Variants in EFNB2 observed in about 807,000 individuals in gnomAD.
The protein encoded by EFNB2 is ephrin B2, also known as ephrin-B2.
In EFNB2, 5 loss-of-function variants were observed where a neutral mutation model predicts 32.1. The observed-to-expected ratio is 0.16, with a 90% CI of 0.08 to 0.33. The LOEUF (loss-of-function observed/expected upper bound fraction) is 0.33. Ranked by LOEUF, EFNB2 falls within the 10% of genes least tolerant of loss-of-function variation. EFNB2 has a pLI of 1.00. For synonymous variants in EFNB2, 168 were observed against 166.5 expected (o/e 1.01, Z -0.07); for missense variants, 263 against 422.6 (o/e 0.62, Z 3.31).
At chr13:106,505,910 C>T (rs1878933666) in intron 2 of EFNB2, 1 of 152,218 alleles carries the variant, frequency 6.6e-6, no homozygotes, top group Non-Finnish European at 1.5e-5. Context: ...AACAGAGTCT[C>T]CGTCCACAGC....
At chr13:106,527,216 G>C (rs988570185) in intron 1 of EFNB2, among the ~76,000 whole-genome samples, 2 of 151,518 alleles carry the variant, frequency 1.3e-5, no homozygotes, top group Non-Finnish European at 2.9e-5. Context: ...AATTAAAATT[G>C]GATGCAACAG....
intron 2 of EFNB2, among the ~76,000 whole-genome samples, chr13:106,511,276 A>G (rs930572694): frequency 2.0e-5 from 3 of 151,970 alleles, no homozygotes; most frequent in Non-Finnish European, 4.4e-5. Flanking sequence ...AAGCTACTCT[A>G]TGTATCAAGT....
At chr13:106,533,029 C>A (rs1879932548) in intron 1 of EFNB2, among the ~76,000 whole-genome samples, 1 of 152,056 alleles carries the variant, frequency 6.6e-6, no homozygotes, top group South Asian at 2.1e-4. Context: ...GATACACACA[C>A]CGAACTAAAC....
At chr13:106,510,590 G>GCCAAGGCGGAAGGA (rs1566458815) in intron 2 of EFNB2, among the ~76,000 whole-genome samples, 10 of 152,066 alleles carry the variant, frequency 6.6e-5, no homozygotes, top group African/African-American at 2.4e-4. Context: ...CCCTCTTCCC[G>GCCAAGGCGGAAGGA]TACCACGACC....
intron 1 of EFNB2, among the ~76,000 whole-genome samples, chr13:106,526,197 C>T (rs1009766624): frequency 2.6e-5 from 4 of 152,142 alleles, no homozygotes; most frequent in East Asian, 3.9e-4. Context: ...GCAGTCCCAT[C>T]GTCTCAGGTC....
Position 106,503,255 on chromosome 13 carries a change from A to G in EFNB2, c.407-7415T>C, listed in dbSNP as rs151176937. Among the ~76,000 whole-genome samples, 1,052 of 152,260 alleles carry G rather than the reference A, an allele frequency of 6.9e-3. 6 individuals carry two copies. Among genetic ancestry groups the G allele is most frequent in the Non-Finnish European group, 0.01 (688 of 68,018 alleles). ...TCAGTTAAGAAAAAAAATTTAACAT[A>G]ATTTCAAAATAAAAAACAAAACAAA... On this transcript the variant is annotated intron_variant, in intron 2 of 4. Transcript: ENST00000646441.
At chr13:106,508,059 T>C (rs1232023934) in intron 2 of EFNB2, among the ~76,000 whole-genome samples, 1 of 152,200 alleles carries the variant, frequency 6.6e-6, no homozygotes, top group African/African-American at 2.4e-5. Context: ...CTTTGTGGGT[T>C]ATTTTGCAAG....
At chr13:106,504,415 C>T (rs1005181279) in intron 2 of EFNB2, among the ~76,000 whole-genome samples, 1 of 152,086 alleles carries the variant, frequency 6.6e-6, no homozygotes, top group African/African-American at 2.4e-5. Flanking sequence ...TGGACACACA[C>T]AGCTTAGATG....
At chr13:106,502,070 C>T (rs933009833) in intron 2 of EFNB2, among the ~76,000 whole-genome samples, 6 of 152,062 alleles carry the variant, frequency 3.9e-5, no homozygotes, top group African/African-American at 1.4e-4. Flanking sequence ...GTTTTTCACC[C>T]GTGAAAATAT....
intron 2 of EFNB2, among the ~76,000 whole-genome samples, chr13:106,509,637 G>C (rs1433862510): frequency 1.4e-5 from 2 of 138,968 alleles, no homozygotes; most frequent in African/African-American, 3.0e-5. Context: ...CTGTGTGTGT[G>C]TGTGTGTGTG....
chr13:106,503,729 C>T (rs1350659829), intron 2 of EFNB2, among the ~76,000 whole-genome samples: 1 of 151,918 alleles, frequency 6.6e-6, no homozygotes, highest in African/African-American at 2.4e-5. Context: ...TCTCTCTTTC[C>T]TTGTATATAA....
intron 2 of EFNB2, among the ~76,000 whole-genome samples, chr13:106,511,873 T>TCA (rs1266936909): frequency 6.6e-6 from 1 of 152,140 alleles, no homozygotes; most frequent in Admixed American, 6.5e-5. Flanking sequence ...CAGCCTCAGA[T>TCA]ATGACCCAAG....
chr13:106,495,225 T>G (rs918590092), intron 3 of EFNB2, among the ~76,000 whole-genome samples: 1 of 152,218 alleles, frequency 6.6e-6, no homozygotes, highest in Non-Finnish European at 1.5e-5. Context: ...ATTCTTGCAT[T>G]TGGCAGGCAA....
chr13:106,498,621 T>G (rs1260755288), intron 2 of EFNB2, among the ~76,000 whole-genome samples: 2 of 152,196 alleles, frequency 1.3e-5, no homozygotes, highest in Non-Finnish European at 2.9e-5. Context: ...AGAATGAAAC[T>G]GCTTTGCACC....
rs1878372434 is a variant in EFNB2 at position 106,490,709 on chromosome 13, G to A, written c.*2331C>T. On this transcript the variant is annotated 3_prime_UTR_variant, in exon 5 of 5. Transcript: ENST00000646441. ...AAGAATTACATATGTACTGTGGCTGGTTACCATGGCAACCCTCCACAGAAA... is the reference window on the plus strand; with the variant it reads ...AAGAATTACATATGTACTGTGGCTGATTACCATGGCAACCCTCCACAGAAA... 6.6e-6 allele frequency: 1 copy of A among 151,780 alleles called. No individual in the cohort carries two copies. The highest frequency in any genetic ancestry group is 6.6e-5 in the Admixed American group (1 of 15,210). 9.4% of individuals were successfully genotyped at this position (151,780 alleles called of 1,614,324 possible).
chr13:106,534,943 C>G lies in EFNB2; in HGVS notation c.22G>C (p.Val8Leu). MAVRRDS[V>L]WKYCWGVLMV... ...AAAACACCCCAGCAGTACTTCCACA[C>G]GGAGTCCCTTCTCACAGCCATGGCG... Residue 8 changes from valine (V) to leucine (L), a missense_variant, in exon 1 of 5, where the codon GTG becomes CTG. This residue lies in a region of EFNB2 where 46 missense variants were observed against 56.9 expected (regional missense o/e 0.81). Transcript: ENST00000646441. 3.1e-6 allele frequency: 5 copies of G among 1,613,410 alleles called. No individual in the cohort carries two copies. The highest frequency in any genetic ancestry group is 4.2e-6 in the Non-Finnish European group (5 of 1,179,622).
intron 1 of EFNB2, among the ~76,000 whole-genome samples, chr13:106,532,902 G>T (rs1009710418): frequency 2.6e-5 from 4 of 151,524 alleles, no homozygotes; most frequent in Non-Finnish European, 1.5e-5. Context: ...AGTTATTAAC[G>T]TCTAAACCTT....
chr13:106,518,312 G>C lies in EFNB2; in HGVS notation c.123-5500C>G, dbSNP rs1269130263. ...GATCGCACTACTGCACTCCAGCCTG[G>C]GTGACAGAGCAAGACTCCGTCTCCA... On this transcript the variant is annotated intron_variant, in intron 1 of 4. Transcript: ENST00000646441. This position sits in a 1 kb window ranked among gnomAD's most constrained non-coding sequence, Gnocchi z 4.1. 2 of 152,122 alleles carry C rather than the reference G, an allele frequency of 1.3e-5. No homozygotes were observed. The highest frequency in any genetic ancestry group is 4.8e-5 in the African/African-American group (2 of 41,394). The allele number at this position is 152,122 out of a possible 1,614,324, so 9.4% of individuals were successfully genotyped here.
rs536499305 is a variant in EFNB2, at chr13:106,531,694, C to T, written c.122+3149G>A. Reference sequence around the variant, plus strand: ...ATTGTGGTGAAGCCCATGTATTATACGTTATCTGGATATCATCCAGCCATT... The same window carrying T: ...ATTGTGGTGAAGCCCATGTATTATATGTTATCTGGATATCATCCAGCCATT... On this transcript the variant is annotated intron_variant, in intron 1 of 4. Coordinates refer to ENST00000646441, the MANE Select transcript of EFNB2 (RefSeq NM_004093.4). 2.6e-5 allele frequency among the ~76,000 whole-genome samples: 4 copies of T among 152,246 alleles called. No individual in the cohort carries two copies. The South Asian group carries it at 6.2e-4, about 24-fold the overall frequency.
Sources: gnomAD v4.1 joint callset for allele counts (sites outside exome capture counted in the v4.1 genomes callset) on GRCh38, gnomAD v4.1.1 for gene constraint, gnomAD v4.1.1 regional missense constraint, Gnocchi (gnomAD v3.1) non-coding constraint, MANE v1.5 for transcripts, NCBI Gene and HGNC (gene_info 2026-07-23, HGNC 2026-07-21) for gene names.